The following PTK2 variants were observed in gnomAD, a reference collection of about 807,000 sequenced individuals.
PTK2 encodes focal adhesion kinase 1.
Under a neutral mutation model 150.1 loss-of-function variants are expected in PTK2, and 45 were observed. The ratio of observed to expected loss-of-function variants is 0.30; its 90% CI spans 0.24 to 0.38. The LOEUF (loss-of-function observed/expected upper bound fraction) is 0.38, where lower values mean the gene tolerates loss of function less well. Among genes scored for constraint, PTK2 ranks in the 10% least tolerant of loss-of-function variants. The pLI is 1.00. For synonymous variants in PTK2, 432 were observed against 449.2 expected, an observed-to-expected ratio of 0.96 and a Z score of 0.48; for missense variants, 919 against 1,307.3, an observed-to-expected ratio of 0.70 and a Z score of 4.58.
At chr8:140,817,059 A>G (rs1045245626) in intron 10 of PTK2, among the ~76,000 whole-genome samples, 1 of 152,212 alleles carries the variant, frequency 6.6e-6, no homozygotes, top group South Asian at 2.1e-4. Context: ...CCTTCACAGA[A>G]TCCCATCTGG....
Position 140,981,522 on chromosome 8 carries a change from T to C in PTK2, c.-122+19603A>G, listed in dbSNP as rs527526802. On this transcript the variant is annotated intron_variant, in intron 1 of 31. Coordinates refer to ENST00000522684, the Ensembl canonical transcript of PTK2. ...CTAGGAGTTTGCTTTGTTATCACCC[T>C]CTACACGAGAACAGCAAACTATGAC... Among the ~76,000 whole-genome samples, 36 of 152,322 alleles carry C rather than the reference T, an allele frequency of 2.4e-4. No homozygotes were observed. The South Asian group carries it at 5.2e-3, about 22-fold the overall frequency.
intron 13 of PTK2, 66 bp downstream of exon 13, chr8:140,793,288 A>C: frequency 6.6e-7 from 1 of 1,521,306 alleles, no homozygotes; most frequent in South Asian, 1.2e-5. Context: ...ATGAATAATA[A>C]AGCATAGAAA....
chr8:140,722,379 C>G (rs373641918), intron 22 of PTK2, among the ~76,000 whole-genome samples: 83 of 152,246 alleles, frequency 5.5e-4, no homozygotes, highest in African/African-American at 1.9e-3. Context: ...CTCAGCCCTC[C>G]GAGTAGCTGG....
chr8:140,753,221 T>G (rs1042617984), intron 16 of PTK2, among the ~76,000 whole-genome samples: 9 of 151,398 alleles, frequency 5.9e-5, no homozygotes, highest in African/African-American at 2.2e-4. Context: ...GCAGTGGAGG[T>G]GGAGAGAAGG....
chr8:140,980,375 T>C (rs1373948823), intron 1 of PTK2, among the ~76,000 whole-genome samples: 1 of 152,178 alleles, frequency 6.6e-6, no homozygotes, highest in African/African-American at 2.4e-5. Context: ...CCCAGCACTT[T>C]GGGAGGCCGA....
chr8:140,773,904 G>A (rs562889778), intron 14 of PTK2, among the ~76,000 whole-genome samples: 83 of 152,266 alleles, frequency 5.5e-4, no homozygotes, highest in African/African-American at 1.9e-3. Flanking sequence ...CAGGATAGGG[G>A]TGAGGAGGGC....
At chr8:140,714,932 C>T (rs1014259807) in intron 23 of PTK2, among the ~76,000 whole-genome samples, 4 of 151,224 alleles carry the variant, frequency 2.6e-5, no homozygotes, top group East Asian at 1.9e-4. Context: ...AAATACTGGC[C>T]TACCATCTTG....
chr8:140,704,399 A>G (rs953076658), intron 24 of PTK2, among the ~76,000 whole-genome samples: 1 of 152,230 alleles, frequency 6.6e-6, no homozygotes, highest in Non-Finnish European at 1.5e-5. Flanking sequence ...CTAAGCCCTT[A>G]GAGACAAGTC....
chr8:140,740,921 T>C (rs532752690), intron 20 of PTK2, among the ~76,000 whole-genome samples: 1 of 152,068 alleles, frequency 6.6e-6, no homozygotes, highest in East Asian at 1.9e-4. Context: ...GGTGGGAAGA[T>C]CGCTTGAGCC....
At chr8:140,786,121 T>C (rs1478759086) in intron 14 of PTK2, among the ~76,000 whole-genome samples, 2 of 152,208 alleles carry the variant, frequency 1.3e-5, no homozygotes, top group Non-Finnish European at 2.9e-5. Context: ...AACTATCTGT[T>C]GGCCGGATTA....
chr8:140,737,392 C>T (rs1350189983), intron 21 of PTK2, among the ~76,000 whole-genome samples: 2 of 152,134 alleles, frequency 1.3e-5, no homozygotes, highest in East Asian at 1.9e-4. Context: ...CATGAGCCAC[C>T]GTGCCCAGTC....
At chr8:140,697,104 A>C (rs1191610812) in intron 26 of PTK2, among the ~76,000 whole-genome samples, 1 of 126,668 alleles carries the variant, frequency 7.9e-6, no homozygotes, top group Non-Finnish European at 1.6e-5. Flanking sequence ...ACTGCACTTT[A>C]CCCTGGGTGA....
At chr8:140,665,273 ATTTT>A (rs111560244) in intron 30 of PTK2, among the ~76,000 whole-genome samples, 1 of 148,556 alleles carries the variant, frequency 6.7e-6, no homozygotes, top group South Asian at 2.1e-4. Context: ...GGAAAGCAGG[ATTTT>A]TTTTTTTCTC....
chr8:140,899,583 T>G (rs1323924734), intron 2 of PTK2, among the ~76,000 whole-genome samples: 1 of 152,146 alleles, frequency 6.6e-6, no homozygotes, highest in Admixed American at 6.5e-5. Context: ...GGGGAGAATA[T>G]TTCCAAAATC....
intron 1 of PTK2, among the ~76,000 whole-genome samples, chr8:140,963,943 G>C (rs1042155979): frequency 6.6e-6 from 1 of 152,114 alleles, no homozygotes; most frequent in African/African-American, 2.4e-5. Context: ...TCCATCACTT[G>C]CTCATTCCTT....
intron 21 of PTK2, among the ~76,000 whole-genome samples, chr8:140,737,043 C>G (rs1411640024): frequency 6.6e-6 from 1 of 152,158 alleles, no homozygotes; most frequent in Non-Finnish European, 1.5e-5. Flanking sequence ...GCTTTTCTCA[C>G]CAGAAGTTAC....
chr8:140,778,207 C>A (rs1016968389), intron 14 of PTK2, among the ~76,000 whole-genome samples: 1 of 152,200 alleles, frequency 6.6e-6, no homozygotes, highest in African/African-American at 2.4e-5. Flanking sequence ...GTGGCTCATG[C>A]CTGTAATCCC....
At chr8:140,768,950 C>T (rs2100073984) in intron 14 of PTK2, among the ~76,000 whole-genome samples, 1 of 151,972 alleles carries the variant, frequency 6.6e-6, no homozygotes, top group Admixed American at 6.6e-5. Context: ...AATACAATTC[C>T]TTCTTAATTT....
chr8:140,772,555 G>T (rs773443641), intron 14 of PTK2, among the ~76,000 whole-genome samples: 1 of 152,156 alleles, frequency 6.6e-6, no homozygotes, highest in Admixed American at 6.5e-5. Flanking sequence ...TTTAGACTGC[G>T]GATAAGAGCA....
Sources: gnomAD v4.1 joint callset for allele counts (sites outside exome capture counted in the v4.1 genomes callset) on GRCh38, gnomAD v4.1.1 for gene constraint, MANE v1.5 for transcripts, NCBI Gene and HGNC (gene_info 2026-07-23, HGNC 2026-07-21) for gene names.